HPCAL1: variants seen among roughly 807,000 people sequenced by gnomAD.
HPCAL1 encodes hippocalcin-like protein 1.
In HPCAL1, 8 loss-of-function variants were observed where a neutral mutation model predicts 17.1. The observed-to-expected ratio is 0.47, with a 90% CI of 0.27 to 0.84. The LOEUF (loss-of-function observed/expected upper bound fraction) is 0.84. HPCAL1 is among the 40% of genes least tolerant of loss of function. The pLI is 0.13. For missense variants in HPCAL1, 165 were observed against 271.1 expected, an observed-to-expected ratio of 0.61 and a Z score of 2.75; for synonymous variants, 112 against 111.4, an observed-to-expected ratio of 1.01 and a Z score of -0.03.
chr2:10,351,408 G>A (rs1665832938), intron 1 of HPCAL1, among the ~76,000 whole-genome samples: 1 of 152,194 alleles, frequency 6.6e-6, no homozygotes, highest in Non-Finnish European at 1.5e-5. Context: ...GGACTGGGAG[G>A]CTGAGGGGAA....
rs565741851 is a variant in HPCAL1 at position 10,367,808 on chromosome 2, C to A, written c.-110-29027C>A. Among the ~76,000 whole-genome samples, 1 of 152,270 alleles carries A rather than the reference C, an allele frequency of 6.6e-6. No individual in the cohort carries two copies. The highest frequency in any genetic ancestry group is 6.5e-5 in the Admixed American group (1 of 15,296). ...CCTCTGCTGCTGCGGCCACCCTCGC[C>A]GGCCCTGGATCCCCACACAGTGTGG... On this transcript the variant is annotated intron_variant, in intron 1 of 4. Transcript: ENST00000307845. This position sits in a 1 kb window ranked among gnomAD's most constrained non-coding sequence, Gnocchi z 4.4.
Position 10,345,039 on chromosome 2 carries a change from T to TTC in HPCAL1, c.-111+41876_-111+41877dup, listed in dbSNP as rs1396082008. 1.5e-3 allele frequency among the ~76,000 whole-genome samples: 218 copies of TTC among 149,926 alleles called. 4 individuals are homozygous for TTC. Among genetic ancestry groups the TTC allele is most frequent in the African/African-American group, 4.8e-3 (197 of 40,644 alleles). ...TTTCTGCCTCTCTCTATGTGTCTGTTTCTCTCTCTCTCTCTTTCTGTCTCT... is the reference window on the plus strand; with the variant it reads ...TTTCTGCCTCTCTCTATGTGTCTGTTTCTCTCTCTCTCTCTCTTTCTGTCTCT... On this transcript the variant is annotated intron_variant, in intron 1 of 4. Coordinates refer to ENST00000307845, the MANE Select transcript of HPCAL1 (RefSeq NM_002149.4).
chr2:10,326,404 C>T (rs950077934), intron 1 of HPCAL1, among the ~76,000 whole-genome samples: 3 of 152,190 alleles, frequency 2.0e-5, no homozygotes, highest in Admixed American at 1.3e-4. Context: ...ATGGCAGGAG[C>T]CCTGTGGCTG....
In HPCAL1 at chr2:10,372,696, C is replaced by T. The variant is rs112070683; in HGVS notation, c.-110-24139C>T. ...GGAGGGTGGCGTGGGTCCCATCGCT[C>T]TCCGTCAGCCACGGCCAGAGCACAC... On this transcript the variant is annotated intron_variant, in intron 1 of 4. Coordinates refer to ENST00000307845, the MANE Select transcript of HPCAL1 (RefSeq NM_002149.4). Among the ~76,000 whole-genome samples, 240 of 152,354 alleles carry T rather than the reference C, an allele frequency of 1.6e-3. 2 individuals carry two copies. The highest frequency in any genetic ancestry group is 5.5e-3 in the African/African-American group (227 of 41,590).
intron 2 of HPCAL1, among the ~76,000 whole-genome samples, chr2:10,417,851 G>A (rs1670770079): frequency 1.3e-5 from 2 of 151,902 alleles, no homozygotes; most frequent in Non-Finnish European, 2.9e-5. Context: ...AGACTGGCCT[G>A]GGCAAAATAG....
chr2:10,344,385 C>T lies in HPCAL1; in HGVS notation c.-111+41208C>T, dbSNP rs1295573630. Among the ~76,000 whole-genome samples, 1 of 152,158 alleles carries T rather than the reference C, an allele frequency of 6.6e-6. No homozygotes were observed. Among genetic ancestry groups the T allele is most frequent in the African/African-American group, 2.4e-5 (1 of 41,436 alleles). On this transcript the variant is annotated intron_variant, in intron 1 of 4. Transcript: ENST00000307845. The surrounding 1 kb of genome is among the most constrained non-coding windows in gnomAD (Gnocchi z 4.9). The stretch of plus-strand genomic sequence containing the variant: ...CCCCGAAGTGCCGCTAGGTGCCTCA[C>T]GATTAGCATAAGGCCCGTTTATCCA...
In HPCAL1 at chr2:10,363,949, A is replaced by G. The variant is rs1666679307; in HGVS notation, c.-110-32886A>G. Among the ~76,000 whole-genome samples the G allele has an allele frequency of 6.6e-6, 1 of 152,150 alleles. No individual in the cohort carries two copies. Among genetic ancestry groups the G allele is most frequent in the African/African-American group, 2.4e-5 (1 of 41,448 alleles). ...CTCAGCTGGTGCTCAGGGAGGCCTG[A>G]TGATTCGGGGCGCTTGGCCGGGTGG... On this transcript the variant is annotated intron_variant, in intron 1 of 4. Transcript: ENST00000307845. This position sits in a 1 kb window ranked among gnomAD's most constrained non-coding sequence, Gnocchi z 4.7.
At chr2:10,366,499 GTGC>G (rs1666866110) in intron 1 of HPCAL1, among the ~76,000 whole-genome samples, 1 of 152,166 alleles carries the variant, frequency 6.6e-6, no homozygotes, top group African/African-American at 2.4e-5. Context: ...GCCTCCCAAA[GTGC>G]TGAGATTACA....
chr2:10,363,517 G>T lies in HPCAL1; in HGVS notation c.-110-33318G>T, dbSNP rs1640117432. ...AGTCCTGCCTATACCCTCTACACGT[G>T]GCGTTTCAGGTCTGGAGAGTCATGT... is the stretch of plus-strand genomic sequence containing the variant. On this transcript the variant is annotated intron_variant, in intron 1 of 4. Transcript: ENST00000307845. The surrounding 1 kb of genome is among the most constrained non-coding windows in gnomAD (Gnocchi z 4.7). Among the ~76,000 whole-genome samples the T allele has an allele frequency of 6.6e-6, 1 of 152,174 alleles. No individual in the cohort carries two copies. Among genetic ancestry groups the T allele is most frequent in the Admixed American group, 6.5e-5 (1 of 15,282 alleles).
At chr2:10,346,078 GTGTGTGTGTATGCATGCAAACACTTA>G (rs1665422721) in intron 1 of HPCAL1, among the ~76,000 whole-genome samples, 1 of 152,182 alleles carries the variant, frequency 6.6e-6, no homozygotes, top group South Asian at 2.1e-4. Context: ...CAGGCTGTGT[GTGTGTGTGTATGCATGCAAACACTTA>G]TGTGCAATGC....
chr2:10,341,464 A>G (rs1254463472), intron 1 of HPCAL1, among the ~76,000 whole-genome samples: 1 of 151,788 alleles, frequency 6.6e-6, no homozygotes, highest in African/African-American at 2.4e-5. Flanking sequence ...AGCAACAACA[A>G]CAACAACAAA....
rs578076883 is a variant in HPCAL1, at chr2:10,405,916, T to C, written c.-25+8996T>C. Among the ~76,000 whole-genome samples, 16 of 152,312 alleles carry C rather than the reference T, an allele frequency of 1.1e-4. No individual in the cohort carries two copies. The East Asian group carries it at 2.3e-3, about 22-fold the overall frequency. ...GCAGTATGCGCCAAGTCCCCGCAAA[T>C]GGGACGTTGGGTGATTCACATGGTT... On this transcript the variant is annotated intron_variant, in intron 2 of 4. Coordinates refer to ENST00000307845, the MANE Select transcript of HPCAL1 (RefSeq NM_002149.4).
At chr2:10,397,106 C>T (rs147937662) in intron 2 of HPCAL1, among the ~76,000 whole-genome samples, 186 bp downstream of exon 2, 565 of 152,286 alleles carry the variant, frequency 3.7e-3, no homozygotes, top group Non-Finnish European at 5.5e-3. Context: ...CAGGAAACTG[C>T]GGCTCGGAAA....
intron 2 of HPCAL1, among the ~76,000 whole-genome samples, chr2:10,401,198 G>A (rs992674291): frequency 6.6e-6 from 1 of 152,134 alleles, no homozygotes; most frequent in East Asian, 1.9e-4. Context: ...GGCCTCTCTA[G>A]GTGGAGTCCA....
chr2:10,373,246 A>G (rs2357549), intron 1 of HPCAL1, among the ~76,000 whole-genome samples: 85,934 of 152,102 alleles, frequency 0.56, 25,729 homozygotes, highest in East Asian at 0.81. Flanking sequence ...AGCAGGACTC[A>G]GAGGCGAGGG....
rs901528306 is a variant in HPCAL1, at chr2:10,377,117, C to T, written c.-110-19718C>T. Among the ~76,000 whole-genome samples the T allele has an allele frequency of 1.3e-5, 2 of 152,184 alleles. No individual in the cohort carries two copies. The highest frequency in any genetic ancestry group is 4.8e-5 in the African/African-American group (2 of 41,438). ...TTGTGGCCCAAATTTGAAGGCAGTA[C>T]TCTGTTCCTGGGTGTGCACCGTTAA... On this transcript the variant is annotated intron_variant, in intron 1 of 4. Coordinates refer to ENST00000307845, the MANE Select transcript of HPCAL1 (RefSeq NM_002149.4). This position sits in a 1 kb window ranked among gnomAD's most constrained non-coding sequence, Gnocchi z 5.9.
At chr2:10,398,271 G>T (rs1346293506) in intron 2 of HPCAL1, among the ~76,000 whole-genome samples, 1 of 152,228 alleles carries the variant, frequency 6.6e-6, no homozygotes, top group Non-Finnish European at 1.5e-5. Context: ...GGTGAGTTTG[G>T]CAGGGTCCTG....
At chr2:10,347,863 C>T (rs550174089) in intron 1 of HPCAL1, among the ~76,000 whole-genome samples, 1 of 152,264 alleles carries the variant, frequency 6.6e-6, no homozygotes, top group South Asian at 2.1e-4. Context: ...CAAACTGTGT[C>T]TCAAACATAA....
In HPCAL1 at chr2:10,391,024, C is replaced by T. The variant is rs554989183; in HGVS notation, c.-110-5811C>T. On this transcript the variant is annotated intron_variant, in intron 1 of 4. Coordinates refer to ENST00000307845, the MANE Select transcript of HPCAL1 (RefSeq NM_002149.4). ...AGAGATCTTAAGAGCTTATGTCTGA[C>T]TGCCTACCCGATGCCCAGCACTAAT... Among the ~76,000 whole-genome samples, 55 of 152,340 alleles carry T rather than the reference C, an allele frequency of 3.6e-4. 4 individuals are homozygous for T. In the South Asian group the frequency reaches 0.011, roughly 31 times the overall value.
Sources: allele counts gnomAD v4.1 joint callset (sites outside exome capture counted in the v4.1 genomes callset), GRCh38; gene constraint gnomAD v4.1.1; non-coding constraint Gnocchi (gnomAD v3.1); transcripts MANE v1.5; gene names NCBI Gene and HGNC (gene_info 2026-07-23, HGNC 2026-07-21).